The following LRBA variants were observed in gnomAD, a reference collection of about 807,000 sequenced individuals.
LRBA encodes lipopolysaccharide-responsive and beige-like anchor protein.
LRBA carries 176 observed loss-of-function variants against 330.0 expected under a neutral mutation model. The observed-to-expected ratio is 0.53, with a 90% confidence interval of 0.47 to 0.60. The LOEUF (loss-of-function observed/expected upper bound fraction) is 0.60, where lower values mean the gene tolerates loss of function less well. Ranked by LOEUF, LRBA falls within the 20% of genes least tolerant of loss-of-function variation. The pLI is 0.00. For missense variants in LRBA, 3,259 were observed against 3,444.8 expected (o/e 0.95, Z 1.35); for synonymous variants, 1,230 against 1,193.0 (o/e 1.03, Z -0.64).
chr4:150,744,872 T>C (rs1732480055), intron 35 of LRBA, among the ~76,000 whole-genome samples: 1 of 152,194 alleles, frequency 6.6e-6, no homozygotes, highest in Admixed American at 6.5e-5. Flanking sequence ...ATTCCTTAAT[T>C]AGGGTACTTT....
At chr4:150,659,736 C>T (rs1780765484) in intron 37 of LRBA, among the ~76,000 whole-genome samples, 1 of 10,608 alleles carries the variant, frequency 9.4e-5, no homozygotes, top group African/African-American at 1.3e-4. Context: ...GGGGGTCAGC[C>T]CCCACGCCCG....
intron 38 of LRBA, among the ~76,000 whole-genome samples, chr4:150,596,893 A>G (rs1055820852): frequency 6.6e-6 from 1 of 151,502 alleles, no homozygotes; most frequent in African/African-American, 2.4e-5. Context: ...GTAGGATTAG[A>G]ATTTGTGTTT....
intron 37 of LRBA, among the ~76,000 whole-genome samples, chr4:150,682,799 T>C (rs959070433): frequency 8.5e-5 from 13 of 152,110 alleles, no homozygotes; most frequent in African/African-American, 3.1e-4. Context: ...GAAATTAAAA[T>C]ATAATGTTTT....
chr4:150,551,898 C>A (rs187951306), intron 40 of LRBA, among the ~76,000 whole-genome samples: 209 of 152,232 alleles, frequency 1.4e-3, no homozygotes, highest in African/African-American at 4.8e-3. Context: ...AGTCCTCAAT[C>A]ATTTTGGCAC....
rs1447065430 is a variant in LRBA, at chr4:150,868,256, T to C, written c.2499A>G (p.Pro833=). The change falls in exon 21 of 57, where the codon CCA becomes CCG. Residue 833 remains proline, a synonymous_variant. Coordinates refer to ENST00000651943, the MANE Select transcript of LRBA (RefSeq NM_001364905.1). ...ATLLRNSPQC[P]ESMEVRRAFL... The stretch of plus-strand genomic sequence containing the variant: ...AGGCTCTGCGAACCTCCATGCTCTC[T>C]GGGCACTGGGGAGAATTTCGAAGTA... 1 of 1,612,548 alleles carries C rather than the reference T, an allele frequency of 6.2e-7. No homozygotes were observed. Among genetic ancestry groups the C allele is most frequent in the Non-Finnish European group, 8.5e-7 (1 of 1,178,794 alleles).
intron 47 of LRBA, among the ~76,000 whole-genome samples, chr4:150,370,348 C>T (rs972899360): frequency 6.6e-6 from 1 of 151,908 alleles, no homozygotes; most frequent in Non-Finnish European, 1.5e-5. Context: ...GAATATTATT[C>T]CAAAATAAAA....
chr4:150,438,284 C>T (rs918767521), intron 44 of LRBA, among the ~76,000 whole-genome samples: 1 of 152,072 alleles, frequency 6.6e-6, no homozygotes, highest in Non-Finnish European at 1.5e-5. Context: ...GAGTTCAAGA[C>T]CAGCCTGTGC....
chr4:150,853,677 A>AT (rs972989538), intron 22 of LRBA, among the ~76,000 whole-genome samples: 1 of 151,788 alleles, frequency 6.6e-6, no homozygotes, highest in Non-Finnish European at 1.5e-5. Flanking sequence ...GAAAAAGTAA[A>AT]TTTTTTTTTA....
At position 150,487,671 on chromosome 4, in the gene LRBA, G is replaced by C. The variant is rs934850742; in HGVS notation, c.6551+61C>G. On this transcript the variant is annotated intron_variant, in intron 42 of 56. Coordinates refer to ENST00000651943, the MANE Select transcript of LRBA (RefSeq NM_001364905.1). ...AATGTTAATAAGAATATTAATACTG[G>C]TTAATTATTATAACTATTAAGACAC... 7 of 873,156 alleles carry C rather than the reference G, an allele frequency of 8.0e-6. No individual in the cohort carries two copies. The South Asian group carries it at 1.3e-4, about 16-fold the overall frequency. 54.1% of individuals were successfully genotyped at this position (873,156 alleles called of 1,614,324 possible). A position where few individuals can be genotyped will look rare whatever the true frequency, so the allele number is the denominator to read the frequency against.
chr4:150,812,944 A>C (rs1743976766), intron 31 of LRBA, among the ~76,000 whole-genome samples: 1 of 152,136 alleles, frequency 6.6e-6, no homozygotes, highest in African/African-American at 2.4e-5. Context: ...GATCACTTGA[A>C]GCCAGGACTT....
At chr4:150,459,225 C>A (rs1754461148) in intron 44 of LRBA, among the ~76,000 whole-genome samples, 1 of 151,774 alleles carries the variant, frequency 6.6e-6, no homozygotes, top group African/African-American at 2.4e-5. Flanking sequence ...AGTTATAATC[C>A]TCCTGTTTTC....
At chr4:150,679,530 A>G (rs902865072) in intron 37 of LRBA, 3 of 152,234 alleles carry the variant, frequency 2.0e-5, no homozygotes, top group African/African-American at 7.2e-5. Flanking sequence ...ATCTTTCTGA[A>G]AGAAGGAAGA....
intron 37 of LRBA, among the ~76,000 whole-genome samples, chr4:150,602,339 T>C (rs1774206199): frequency 6.6e-6 from 1 of 152,226 alleles, no homozygotes. Context: ...TTAGTCTCAT[T>C]TGAGAAAATA....
At chr4:150,685,756 G>GCA (rs1310198099) in intron 36 of LRBA, among the ~76,000 whole-genome samples, 34 of 151,874 alleles carry the variant, frequency 2.2e-4, no homozygotes, top group Admixed American at 9.2e-4. Context: ...ATCTTAGTCT[G>GCA]TGCAAAACAC....
At chr4:150,785,709 G>T (rs1738953809) in intron 34 of LRBA, among the ~76,000 whole-genome samples, 1 of 151,706 alleles carries the variant, frequency 6.6e-6, no homozygotes, top group South Asian at 2.1e-4. Context: ...TAATGTACTT[G>T]ACCAGAAAAA....
chr4:150,945,523 A>G (rs1311106024), intron 2 of LRBA, among the ~76,000 whole-genome samples: 1 of 152,224 alleles, frequency 6.6e-6, no homozygotes, highest in Non-Finnish European at 1.5e-5. Context: ...GATAAGTGAA[A>G]CTGCAGTTTC....
Position 150,929,068 on chromosome 4 carries a change from T to TA in LRBA, c.217-4dup. ...AGATCAAACTGTCCTCCTACCAACT[T>TA]ACAAGGAAAAAAAAAAAACACATTA... On this transcript the variant is annotated splice_region_variant and splice_polypyrimidine_tract_variant and intron_variant, in intron 2 of 56. Transcript: ENST00000651943. The TA allele has an allele frequency of 6.4e-7, 1 of 1,572,940 alleles. No individual in the cohort carries two copies. The highest frequency in any genetic ancestry group is 1.8e-5 in the Admixed American group (1 of 55,362).
intron 46 of LRBA, among the ~76,000 whole-genome samples, chr4:150,432,926 C>G (rs970020367): frequency 4.6e-5 from 7 of 152,018 alleles, no homozygotes; most frequent in Non-Finnish European, 2.9e-5. Context: ...TTGAAAGTCA[C>G]TAAGTTTTAG....
In LRBA at chr4:150,564,151, G is replaced by A. The variant is rs185046700; in HGVS notation, c.6330+23897C>T. ...CTTCAAACTATACTAAAAGGCTACC[G>A]TAACCAAAACAGCATGGTACTGGTA... On this transcript the variant is annotated intron_variant, in intron 40 of 56. Transcript: ENST00000651943. 2.9e-3 allele frequency among the ~76,000 whole-genome samples: 445 copies of A among 152,228 alleles called. 4 individuals are homozygous for A. Among genetic ancestry groups the A allele is most frequent in the African/African-American group, 0.01 (424 of 41,554 alleles).
Sources: allele counts gnomAD v4.1 joint callset (sites outside exome capture counted in the v4.1 genomes callset), GRCh38; gene constraint gnomAD v4.1.1; transcripts MANE v1.5; gene names NCBI Gene and HGNC (gene_info 2026-07-23, HGNC 2026-07-21).